Variants in HKDC1 observed in about 807,000 individuals in gnomAD.
HKDC1 encodes the protein hexokinase HKDC1.
A neutral mutation model predicts 96.6 loss-of-function variants in HKDC1; 66 were observed. That is an observed-to-expected ratio of 0.68 (90% CI 0.56 to 0.84). The LOEUF is 0.84. Among genes scored for constraint, HKDC1 ranks in the 40% least tolerant of loss-of-function variants. HKDC1 has a pLI of 0.00. For missense variants in HKDC1, 1,211 were observed against 1,208.1 expected (o/e 1.00, Z -0.04); for synonymous variants, 466 against 473.1 (o/e 0.98, Z 0.20).
intron 15 of HKDC1, 91 bp downstream of exon 15, chr10:69,259,050 G>A: frequency 9.7e-7 from 1 of 1,032,350 alleles, no homozygotes; most frequent in Non-Finnish European, 1.3e-6. Flanking sequence ...ATAGCTTTGT[G>A]TGCTTATTAC....
Position 69,248,544 on chromosome 10 carries a change from C to A in HKDC1, c.1386C>A (p.Arg462=). The A allele has an allele frequency of 1.9e-6, 3 of 1,614,040 alleles. No individual in the cohort carries two copies. The highest frequency in any genetic ancestry group is 3.3e-5 in the Admixed American group (2 of 60,016). The stretch of plus-strand genomic sequence containing the variant: ...CCATGGTGACCGCGGTGGCCTCCCG[C>A]GTGCAGGCCCAGCGGAAGCAGATCG... ...GAAMVTAVAS[R]VQAQRKQIDR... is the part of the protein sequence containing the mutation. The change falls in exon 10 of 18, where the codon CGC becomes CGA. Residue 462 remains arginine (R), a synonymous_variant. Transcript: ENST00000354624.
At chr10:69,261,114 A>G in intron 15 of HKDC1, 25 bp from the exon 16 acceptor site, 6 of 1,605,772 alleles carry the variant, frequency 3.7e-6, no homozygotes, top group Non-Finnish European at 5.1e-6. Context: ...GGTCTGCCCC[A>G]ACCTTATCCT....
At chr10:69,247,085 A>G (rs1010988639) in intron 8 of HKDC1, among the ~76,000 whole-genome samples, 3 of 152,188 alleles carry the variant, frequency 2.0e-5, no homozygotes, top group African/African-American at 4.8e-5. Context: ...CACATCTCTC[A>G]TCTGTACGAC....
intron 4 of HKDC1, among the ~76,000 whole-genome samples, chr10:69,234,769 C>T (rs1843335710): frequency 6.6e-6 from 1 of 152,202 alleles, no homozygotes; most frequent in South Asian, 2.1e-4. Context: ...GCAGTGCCCG[C>T]CAAGGGCACA....
At position 69,247,405 on chromosome 10, in the gene HKDC1, G is replaced by A. The variant is rs141565402; in HGVS notation, c.1077G>A (p.Leu359=). 2.5e-6 allele frequency: 4 copies of A among 1,614,012 alleles called. No homozygotes were observed. Among genetic ancestry groups the A allele is most frequent in the Non-Finnish European group, 3.4e-6 (4 of 1,179,966 alleles). ...LANTREILVD[L]GLEPSEADCI... ...ATACAAGAGAGATCCTGGTGGACCT[G>A]GGTCTGGAACCGTCTGAGGCTGACT... Residue 359 remains leucine (L), a synonymous_variant, in exon 9 of 18, where the codon CTG becomes CTA. Transcript: ENST00000354624.
intron 1 of HKDC1, among the ~76,000 whole-genome samples, chr10:69,225,047 CTG>C (rs1176652638): frequency 6.6e-6 from 1 of 152,200 alleles, no homozygotes; most frequent in Non-Finnish European, 1.5e-5. Flanking sequence ...CAAAAGGAAA[CTG>C]TTGCTGAGTT....
At chr10:69,231,562 C>T (rs1364110482) in intron 2 of HKDC1, among the ~76,000 whole-genome samples, 1 of 152,166 alleles carries the variant, frequency 6.6e-6, no homozygotes, top group African/African-American at 2.4e-5. Flanking sequence ...CCCTGCAAAG[C>T]CAGCTGCCTT....
At chr10:69,237,281 G>C (rs7101003) in intron 4 of HKDC1, among the ~76,000 whole-genome samples, 5,959 of 37,808 alleles carry the variant, frequency 0.16, 276 homozygotes, top group African/African-American at 0.4. Flanking sequence ...ATTTCTTTGT[G>C]TGTGTGTGTG....
rs1196408629 is a variant in HKDC1 at position 69,257,773 on chromosome 10, C to A, written c.2032+347C>A. ...TTTTCACTCTGGCTCCAATGTGTGCCTCTTCTGTTCTCTGAATTCTTCTGG... is the reference window on the plus strand; with the variant it reads ...TTTTCACTCTGGCTCCAATGTGTGCATCTTCTGTTCTCTGAATTCTTCTGG... On this transcript the variant is annotated intron_variant, in intron 14 of 17. Coordinates refer to ENST00000354624, the MANE Select transcript of HKDC1 (RefSeq NM_025130.4). Among the ~76,000 whole-genome samples the A allele has an allele frequency of 2.6e-5, 4 of 152,142 alleles. No individual in the cohort carries two copies. The South Asian group carries it at 8.3e-4, about 31-fold the overall frequency.
At chr10:69,258,750 T>C (rs1444024409) in intron 14 of HKDC1, 26 bp from the exon 15 acceptor site, 1 of 1,612,758 alleles carries the variant, frequency 6.2e-7, no homozygotes. Context: ...CTTTGAAGAC[T>C]AAGGTTCCTT....
At chr10:69,260,044 G>T (rs934279288) in intron 15 of HKDC1, among the ~76,000 whole-genome samples, 6 of 152,184 alleles carry the variant, frequency 3.9e-5, no homozygotes, top group African/African-American at 1.4e-4. Flanking sequence ...TTTAGGTTTT[G>T]CAGGCCATAT....
Position 69,265,635 on chromosome 10 carries a change from T to C in HKDC1, c.2423T>C (p.Leu808Pro). 6.2e-7 allele frequency: 1 copy of C among 1,613,946 alleles called. No homozygotes were observed. The change falls in exon 17 of 18, where the codon CTG becomes CCG. Residue 808 changes from leucine to proline, a missense_variant. Transcript: ENST00000354624. The part of the protein sequence containing the change: ...QVRRILQQLG[L>P]DSTCEDSIVV... ...AGGAGGATTCTGCAGCAGCTGGGCCTGGACAGCACGTGTGAGGACAGCATC... is the reference window on the plus strand; with the variant it reads ...AGGAGGATTCTGCAGCAGCTGGGCCCGGACAGCACGTGTGAGGACAGCATC...
At position 69,250,382 on chromosome 10, in the gene HKDC1, TACA is replaced by T. The variant is rs1315952600; in HGVS notation, c.1668_1670del (p.Asn556del). 1.2e-6 allele frequency: 2 copies of T among 1,614,100 alleles called. No individual in the cohort carries two copies. The highest frequency in any genetic ancestry group is 1.7e-6 in the Non-Finnish European group (2 of 1,179,958). On this transcript the variant is annotated inframe_deletion, in exon 11 of 18. Transcript: ENST00000354624. ...AAGTGGACGGAGGTCAGTGCGAATG[TACA>T]ACAAGATCTTCGCCATCCCCCTGGA...
At chr10:69,259,793 C>G (rs1033326405) in intron 15 of HKDC1, among the ~76,000 whole-genome samples, 1 of 152,108 alleles carries the variant, frequency 6.6e-6, no homozygotes, top group African/African-American at 2.4e-5. Context: ...ATTAAAATAA[C>G]CAGATCTTGT....
chr10:69,240,598 G>T, intron 5 of HKDC1, 54 bp from the exon 6 acceptor site: 1 of 1,429,136 alleles, frequency 7.0e-7, no homozygotes, highest in Non-Finnish European at 9.9e-7. Flanking sequence ...GGGAAGGAGG[G>T]AGGGAAACAC....
At chr10:69,233,186 G>A in intron 4 of HKDC1, 53 bp downstream of exon 4, 1 of 1,608,138 alleles carries the variant, frequency 6.2e-7, no homozygotes, top group African/African-American at 1.3e-5. Context: ...GGGAATGTGG[G>A]CACGGGTGGG....
chr10:69,246,329 A>G lies in HKDC1; in HGVS notation c.1031+95A>G. The G allele has an allele frequency of 2.3e-6, 3 of 1,311,234 alleles. 1 individual carries two copies. In the South Asian group the frequency reaches 3.8e-5, roughly 17 times the overall value. 81.2% of individuals were successfully genotyped at this position (1,311,234 alleles called of 1,614,324 possible). A position where few individuals can be genotyped will look rare whatever the true frequency, so the allele number is the denominator to read the frequency against. ...GTGGTAGGACAGCAGGAGGGACTAG[A>G]TCCTCCTCCTTCACCAGGAAGATTT... On this transcript the variant is annotated intron_variant, in intron 8 of 17. Coordinates refer to ENST00000354624, the MANE Select transcript of HKDC1 (RefSeq NM_025130.4).
chr10:69,251,953 T>C (rs1177517405), intron 12 of HKDC1, among the ~76,000 whole-genome samples: 2 of 151,986 alleles, frequency 1.3e-5, no homozygotes, highest in Non-Finnish European at 2.9e-5. Flanking sequence ...AGAGATGGGG[T>C]TTCACCATGT....
chr10:69,227,785 G>A (rs1012169388), intron 2 of HKDC1, among the ~76,000 whole-genome samples: 7 of 152,118 alleles, frequency 4.6e-5, no homozygotes, highest in Admixed American at 2.6e-4. Context: ...CACTCACTCC[G>A]TGGGTCCAAG....
Sources: allele counts gnomAD v4.1 joint callset (sites outside exome capture counted in the v4.1 genomes callset), GRCh38; gene constraint gnomAD v4.1.1; transcripts MANE v1.5; gene names NCBI Gene and HGNC (gene_info 2026-07-23, HGNC 2026-07-21).